ICA1: variants seen among roughly 807,000 people sequenced by gnomAD.
The protein encoded by ICA1 is islet cell autoantigen 1, also known as 69 kDa islet cell autoantigen.
A neutral mutation model predicts 71.0 loss-of-function variants in ICA1; 40 were observed. The ratio of observed to expected loss-of-function variants is 0.56; its 90% CI spans 0.44 to 0.73. The LOEUF is 0.73. Ranked by LOEUF, ICA1 falls within the 30% of genes least tolerant of loss-of-function variation. The probability of loss-of-function intolerance (pLI) is 0.00; values close to 1 mark genes in which losing one functional copy is unlikely to be tolerated. For missense variants in ICA1, 578 were observed against 576.5 expected (o/e 1.00, Z -0.03); for synonymous variants, 207 against 209.5 (o/e 0.99, Z 0.10).
intron 6 of ICA1, among the ~76,000 whole-genome samples, chr7:8,166,439 T>C (rs905838930): frequency 6.6e-6 from 1 of 152,178 alleles, no homozygotes; most frequent in South Asian, 2.1e-4. Context: ...CTGCTAGGCA[T>C]ATGCAGAAGA....
intron 6 of ICA1, among the ~76,000 whole-genome samples, chr7:8,215,048 C>G (rs1373600925): frequency 6.6e-6 from 1 of 152,120 alleles, no homozygotes; most frequent in Non-Finnish European, 1.5e-5. Context: ...AAAAGCCTCC[C>G]AGTAGTTCTC....
chr7:8,221,555 C>A (rs373595912), intron 4 of ICA1, among the ~76,000 whole-genome samples, 157 bp from the exon 5 acceptor site: 4 of 152,126 alleles, frequency 2.6e-5, no homozygotes, highest in Admixed American at 6.6e-5. Context: ...CCCCCTACCC[C>A]CCATTTAACT....
intron 13 of ICA1, 125 bp from the exon 14 acceptor site, chr7:8,114,169 C>T (rs1784040421): frequency 9.6e-7 from 1 of 1,037,084 alleles, no homozygotes; most frequent in Non-Finnish European, 1.4e-6. Context: ...TCCCTTTGCA[C>T]TCTCTCTGAC....
chr7:8,122,670 G>A (rs144861111), intron 13 of ICA1, among the ~76,000 whole-genome samples: 1 of 152,378 alleles, frequency 6.6e-6, no homozygotes, highest in East Asian at 1.9e-4. Flanking sequence ...ATGGCAGGAG[G>A]TGAGCACTGC....
intron 6 of ICA1, 151 bp from the exon 7 acceptor site, chr7:8,158,803 A>G: frequency 1.4e-6 from 1 of 731,952 alleles, no homozygotes; most frequent in Non-Finnish European, 2.2e-6. Flanking sequence ...TACAACATCC[A>G]TTCTTTACCT....
Position 8,200,683 on chromosome 7 carries a change from A to G in ICA1, c.579+17622T>C, listed in dbSNP as rs527483900. ...AACTGGATTTACTAGACTGTAGTTG[A>G]CTACTGAAAATCATTTTAGATTCTT... On this transcript the variant is annotated intron_variant, in intron 6 of 13. Coordinates refer to ENST00000402384, the MANE Select transcript of ICA1 (RefSeq NM_001136020.3). Among the ~76,000 whole-genome samples the G allele has an allele frequency of 7.2e-5, 11 of 152,352 alleles. No homozygotes were observed. In the South Asian group the frequency reaches 2.3e-3, roughly 32 times the overall value.
At chr7:8,261,098 C>A (rs3807803) in intron 1 of ICA1, among the ~76,000 whole-genome samples, 99,139 of 152,094 alleles carry the variant, frequency 0.65, 33,424 homozygotes, top group African/African-American at 0.83. Context: ...ATTTTTATAC[C>A]GTTACCAGAT....
rs543137350 is a variant in ICA1 at position 8,216,309 on chromosome 7, T to G, written c.579+1996A>C. On this transcript the variant is annotated intron_variant, in intron 6 of 13. Coordinates refer to ENST00000402384, the MANE Select transcript of ICA1 (RefSeq NM_001136020.3). ...TGTCCTTGTGGAGAGTCTGGTCTAA[T>G]CAAATATACACTTGAAGACAGGCTT... 2.6e-5 allele frequency among the ~76,000 whole-genome samples: 4 copies of G among 152,256 alleles called. No homozygotes were observed. The East Asian group carries it at 7.7e-4, about 29-fold the overall frequency.
At chr7:8,187,113 CAT>C (rs1784150237) in intron 6 of ICA1, among the ~76,000 whole-genome samples, 1 of 152,172 alleles carries the variant, frequency 6.6e-6, no homozygotes, top group Admixed American at 6.5e-5. Flanking sequence ...TTCTCAGAAA[CAT>C]GTTGTTAGGT....
intron 2 of ICA1, among the ~76,000 whole-genome samples, chr7:8,235,422 C>T (rs937574280): frequency 2.0e-5 from 3 of 152,106 alleles, no homozygotes; most frequent in Admixed American, 6.5e-5. Flanking sequence ...CTACTTTATT[C>T]AGCATCATTT....
intron 6 of ICA1, among the ~76,000 whole-genome samples, chr7:8,191,050 G>C (rs1210312260): frequency 6.6e-6 from 1 of 152,138 alleles, no homozygotes; most frequent in Non-Finnish European, 1.5e-5. Context: ...CAGATGTGAG[G>C]AACCATCGTC....
intron 10 of ICA1, among the ~76,000 whole-genome samples, chr7:8,139,989 A>G (rs1238205436): frequency 5.9e-5 from 9 of 152,358 alleles, no homozygotes; most frequent in African/African-American, 2.2e-4. Context: ...AAACAAGATG[A>G]TCGACATTTA....
intron 1 of ICA1, among the ~76,000 whole-genome samples, chr7:8,243,408 A>G (rs1804732767): frequency 6.6e-6 from 1 of 152,066 alleles, no homozygotes; most frequent in African/African-American, 2.4e-5. Flanking sequence ...GTATTGATGG[A>G]ACGTATCTCA....
Position 8,208,011 on chromosome 7 carries a change from C to T in ICA1, c.579+10294G>A, listed in dbSNP as rs567343898. Among the ~76,000 whole-genome samples, 9 of 152,212 alleles carry T rather than the reference C, an allele frequency of 5.9e-5. No homozygotes were observed. In the East Asian group the frequency reaches 1.5e-3, roughly 26 times the overall value. On this transcript the variant is annotated intron_variant, in intron 6 of 13. Coordinates refer to ENST00000402384, the MANE Select transcript of ICA1 (RefSeq NM_001136020.3). ...GCTTGCATAAACCTTGTTAGGAATG[C>T]TTTGTTGAGGGTTAACAAAAATAAT...
At chr7:8,142,071 G>A in intron 9 of ICA1, 1 of 1,325,786 alleles carries the variant, frequency 7.5e-7, no homozygotes, top group East Asian at 3.4e-5. Flanking sequence ...TGGGCAGTTA[G>A]ATATAAATAA....
chr7:8,251,955 T>C (rs982471223), intron 1 of ICA1, among the ~76,000 whole-genome samples: 2 of 152,170 alleles, frequency 1.3e-5, no homozygotes, highest in African/African-American at 4.8e-5. Flanking sequence ...AATTTTGTGC[T>C]ACACCAAAAA....
rs1208435446 is a variant in ICA1 at position 8,215,070 on chromosome 7, G to A, written c.579+3235C>T. Among the ~76,000 whole-genome samples, 3 of 152,118 alleles carry A rather than the reference G, an allele frequency of 2.0e-5. No individual in the cohort carries two copies. In the East Asian group the frequency reaches 5.8e-4, roughly 29 times the overall value. ...TCCCAGTAGTTCTCCCAGCCTCCAA[G>A]CTTAGGCCCTCGCAATCCCTTCTCC... On this transcript the variant is annotated intron_variant, in intron 6 of 13. Transcript: ENST00000402384.
At chr7:8,116,106 C>T (rs1241092108) in intron 13 of ICA1, 2 of 152,188 alleles carry the variant, frequency 1.3e-5, no homozygotes, top group Non-Finnish European at 2.9e-5. Context: ...ATGCGAAATT[C>T]TCCATCTCAT....
At chr7:8,155,321 C>T (rs1192164058) in intron 8 of ICA1, among the ~76,000 whole-genome samples, 1 of 152,142 alleles carries the variant, frequency 6.6e-6, no homozygotes, top group African/African-American at 2.4e-5. Flanking sequence ...TGTCCTGAAC[C>T]ACTGCTGTCA....
Sources: gnomAD v4.1 joint callset for allele counts (sites outside exome capture counted in the v4.1 genomes callset) on GRCh38, gnomAD v4.1.1 for gene constraint, MANE v1.5 for transcripts, NCBI Gene and HGNC (gene_info 2026-07-23, HGNC 2026-07-21) for gene names.